MEGF11: variants seen among roughly 807,000 people sequenced by gnomAD.
The protein encoded by MEGF11 is multiple epidermal growth factor-like domains protein 11.
A neutral mutation model predicts 146.6 loss-of-function variants in MEGF11; 126 were observed. That is an observed-to-expected ratio of 0.86 (90% confidence interval 0.74 to 1.00). MEGF11 has a LOEUF of 1.00. MEGF11 is among the 50% of genes least tolerant of loss of function. The pLI is 0.00. For missense variants in MEGF11, 1,509 were observed against 1,521.2 expected (o/e 0.99, Z 0.13); for synonymous variants, 532 against 583.4 (o/e 0.91, Z 1.27).
intron 5 of MEGF11, among the ~76,000 whole-genome samples, chr15:66,071,053 T>C (rs999521455): frequency 1.3e-5 from 2 of 152,138 alleles, no homozygotes; most frequent in African/African-American, 4.8e-5. Context: ...TCCCATATTC[T>C]TCATTCTATT....
At chr15:66,144,926 C>T (rs1405839189) in intron 1 of MEGF11, among the ~76,000 whole-genome samples, 2 of 152,234 alleles carry the variant, frequency 1.3e-5, no homozygotes, top group Non-Finnish European at 2.9e-5. Context: ...GAAGTAGACA[C>T]TGTTTCTCCC....
chr15:65,933,104 T>G (rs1276440835), intron 10 of MEGF11, among the ~76,000 whole-genome samples: 1 of 152,164 alleles, frequency 6.6e-6, no homozygotes, highest in African/African-American at 2.4e-5. Flanking sequence ...AGCCCTTTTC[T>G]GCTTCTGTCT....
At chr15:65,969,206 C>A (rs2081219399) in intron 8 of MEGF11, among the ~76,000 whole-genome samples, 1 of 152,184 alleles carries the variant, frequency 6.6e-6, no homozygotes, top group South Asian at 2.1e-4. Context: ...GGTATGGAGT[C>A]CAGCCGGCTA....
At chr15:66,008,240 T>C (rs978942698) in intron 5 of MEGF11, among the ~76,000 whole-genome samples, 1 of 152,120 alleles carries the variant, frequency 6.6e-6, no homozygotes, top group African/African-American at 2.4e-5. Context: ...GATGTTGTAG[T>C]TGAAGCAGAG....
chr15:66,148,798 G>C (rs1330928768), intron 1 of MEGF11, among the ~76,000 whole-genome samples: 2 of 152,218 alleles, frequency 1.3e-5, no homozygotes, highest in African/African-American at 2.4e-5. Context: ...TCCCACTGGA[G>C]TTCTGAGGTC....
At chr15:65,975,246 CCTCAGCCTT>C (rs1452119578) in intron 7 of MEGF11, among the ~76,000 whole-genome samples, 1 of 152,224 alleles carries the variant, frequency 6.6e-6, no homozygotes, top group Non-Finnish European at 1.5e-5. Flanking sequence ...GATCCTCCCG[CCTCAGCCTT>C]CTGAGGAGCT....
At chr15:65,924,721 G>A (rs1250454520) in intron 13 of MEGF11, among the ~76,000 whole-genome samples, 4 of 148,846 alleles carry the variant, frequency 2.7e-5, no homozygotes, top group Non-Finnish European at 5.9e-5. Context: ...CTCTGCATCC[G>A]GGGTTCAAGC....
chr15:65,910,778 A>C (rs1421119001), intron 21 of MEGF11, among the ~76,000 whole-genome samples: 1 of 152,156 alleles, frequency 6.6e-6, no homozygotes, highest in Non-Finnish European at 1.5e-5. Context: ...GGACTCCTAG[A>C]TCTCTAGGGC....
chr15:66,220,716 T>C (rs1162773345), intron 1 of MEGF11, among the ~76,000 whole-genome samples: 2 of 151,966 alleles, frequency 1.3e-5, no homozygotes, highest in Non-Finnish European at 2.9e-5. Flanking sequence ...TTTTTAATTT[T>C]TATAGAGACA....
chr15:65,907,247 G>T (rs1055670686), intron 23 of MEGF11, among the ~76,000 whole-genome samples: 39 of 152,158 alleles, frequency 2.6e-4, no homozygotes, highest in Admixed American at 2.0e-3. Flanking sequence ...ATTACTGAGA[G>T]ATATGGCAGA....
chr15:66,083,371 T>A (rs2085976988), intron 5 of MEGF11, among the ~76,000 whole-genome samples: 1 of 152,342 alleles, frequency 6.6e-6, no homozygotes, highest in South Asian at 2.1e-4. Flanking sequence ...ACTTTAAACT[T>A]TGTAGCTTCG....
At chr15:65,948,801 A>G (rs1232141823) in intron 10 of MEGF11, among the ~76,000 whole-genome samples, 2 of 151,988 alleles carry the variant, frequency 1.3e-5, no homozygotes, top group African/African-American at 4.8e-5. Context: ...AGGAGGTGAT[A>G]ACAGAGCTAG....
At chr15:65,909,588 G>T (rs999538152) in intron 22 of MEGF11, among the ~76,000 whole-genome samples, 152 bp downstream of exon 22, 5 of 152,078 alleles carry the variant, frequency 3.3e-5, no homozygotes, top group Non-Finnish European at 7.4e-5. Context: ...GGGATTCTTG[G>T]GCTTCATCTG....
At chr15:66,190,988 C>CTTG (rs36126350) in intron 1 of MEGF11, among the ~76,000 whole-genome samples, 14 of 151,672 alleles carry the variant, frequency 9.2e-5, no homozygotes, top group African/African-American at 3.4e-4. Flanking sequence ...ACAGGGGAGA[C>CTTG]TATTACAACA....
chr15:65,913,999 C>G, intron 19 of MEGF11, 26 bp from the exon 20 acceptor site: 1 of 1,599,146 alleles, frequency 6.3e-7, no homozygotes, highest in Non-Finnish European at 8.6e-7. Context: ...GGGCCTGAGC[C>G]TGGGGCTGGC....
rs557757700 is a variant in MEGF11, at chr15:66,027,493, C to T, written c.395-45005G>A. 2.6e-5 allele frequency among the ~76,000 whole-genome samples: 4 copies of T among 152,314 alleles called. No homozygotes were observed. In the South Asian group the frequency reaches 8.3e-4, roughly 32 times the overall value. On this transcript the variant is annotated intron_variant, in intron 5 of 25. Coordinates refer to ENST00000395614, the MANE Select transcript of MEGF11 (RefSeq NM_001385028.1). Reference sequence around the variant, plus strand: ...GTAACATTTGCTGAGATAATGGGTGCCCCATGCATTCTTCCCGTTCACAAT... The same window carrying T: ...GTAACATTTGCTGAGATAATGGGTGTCCCATGCATTCTTCCCGTTCACAAT...
chr15:66,142,547 C>T (rs1236622283), intron 1 of MEGF11, among the ~76,000 whole-genome samples: 3 of 152,154 alleles, frequency 2.0e-5, no homozygotes, highest in African/African-American at 4.8e-5. Context: ...AGTGAGTAAG[C>T]GTGGGAAGAG....
intron 1 of MEGF11, among the ~76,000 whole-genome samples, chr15:66,212,967 G>A (rs944908862): frequency 5.9e-5 from 9 of 152,330 alleles, no homozygotes; most frequent in African/African-American, 1.2e-4. Context: ...CTCATGCCCC[G>A]CCCAGGCTTC....
intron 10 of MEGF11, among the ~76,000 whole-genome samples, chr15:65,947,653 C>T (rs1596885720): frequency 6.6e-6 from 1 of 152,192 alleles, no homozygotes; most frequent in Non-Finnish European, 1.5e-5. Context: ...TGATTTGTGG[C>T]CCTATCCCTG....
Sources: allele counts gnomAD v4.1 joint callset (sites outside exome capture counted in the v4.1 genomes callset), GRCh38; gene constraint gnomAD v4.1.1; transcripts MANE v1.5; gene names NCBI Gene and HGNC (gene_info 2026-07-23, HGNC 2026-07-21).